The following SRPK1 variants were observed in gnomAD, a reference collection of about 807,000 sequenced individuals.
The protein encoded by SRPK1 is SFRS protein kinase 1.
A neutral mutation model predicts 89.5 loss-of-function variants in SRPK1; 52 were observed. The ratio of observed to expected loss-of-function variants is 0.58; its 90% confidence interval spans 0.46 to 0.73. The LOEUF is 0.73. Ranked by LOEUF, SRPK1 falls within the 30% of genes least tolerant of loss-of-function variation. SRPK1 has a pLI of 0.00. For missense variants in SRPK1, 603 were observed against 780.6 expected (o/e 0.77, Z 2.71); for synonymous variants, 255 against 270.2 (o/e 0.94, Z 0.55).
intron 2 of SRPK1, among the ~76,000 whole-genome samples, chr6:35,914,039 G>A (rs891220330): frequency 1.5e-5 from 2 of 136,932 alleles, no homozygotes; most frequent in Middle Eastern, 4.7e-3. Context: ...GCAATGGCAC[G>A]ATCTCGGCTC....
chr6:35,857,236 G>C, intron 13 of SRPK1, 25 bp downstream of exon 13: 1 of 1,567,014 alleles, frequency 6.4e-7, no homozygotes, highest in Non-Finnish European at 8.8e-7. Flanking sequence ...CTTAACAAGT[G>C]AAAGCCAAGG....
intron 2 of SRPK1, among the ~76,000 whole-genome samples, chr6:35,911,452 C>T (rs529095785): frequency 2.0e-4 from 30 of 152,162 alleles, no homozygotes; most frequent in Non-Finnish European, 3.7e-4. Flanking sequence ...TGGTGGCTCA[C>T]GCCTGTAATC....
At chr6:35,886,939 C>T in intron 5 of SRPK1, 128 bp from the exon 6 acceptor site, 2 of 593,770 alleles carry the variant, frequency 3.4e-6, no homozygotes, top group Non-Finnish European at 6.0e-6. Flanking sequence ...TTAAAATATA[C>T]TAAAATTTCA....
intron 13 of SRPK1, among the ~76,000 whole-genome samples, chr6:35,852,432 A>T (rs1769574696): frequency 6.6e-6 from 1 of 152,204 alleles, no homozygotes; most frequent in East Asian, 1.9e-4. Flanking sequence ...CTGGCAGCAA[A>T]AACAAGTAAA....
chr6:35,868,963 C>T, intron 12 of SRPK1, 47 bp downstream of exon 12: 1 of 1,474,968 alleles, frequency 6.8e-7, no homozygotes, highest in South Asian at 1.2e-5. Flanking sequence ...AATTCTCATT[C>T]ATCCTCCCAG....
At chr6:35,839,469 A>T (rs1769255849) in intron 14 of SRPK1, among the ~76,000 whole-genome samples, 1 of 152,250 alleles carries the variant, frequency 6.6e-6, no homozygotes, top group Non-Finnish European at 1.5e-5. Flanking sequence ...CACTTTTTAA[A>T]AGTAAAGATT....
intron 2 of SRPK1, among the ~76,000 whole-genome samples, chr6:35,910,634 A>G (rs1367816599): frequency 5.3e-5 from 8 of 152,256 alleles, no homozygotes; most frequent in African/African-American, 1.9e-4. Flanking sequence ...AGATGATGCC[A>G]TCTAGGACTT....
chr6:35,916,006 AC>A, intron 2 of SRPK1, among the ~76,000 whole-genome samples: 1 of 68,000 alleles, frequency 1.5e-5, no homozygotes, highest in Non-Finnish European at 3.1e-5. Flanking sequence ...ATACACACAC[AC>A]ACACACACAC....
chr6:35,920,262 G>C (rs534911589), intron 2 of SRPK1: 1 of 644,452 alleles, frequency 1.6e-6, no homozygotes, highest in South Asian at 1.6e-5. Flanking sequence ...CAGCAGGCCC[G>C]GGGCTGCTAA....
At chr6:35,883,795 C>T (rs1171309072) in intron 6 of SRPK1, among the ~76,000 whole-genome samples, 1 of 151,088 alleles carries the variant, frequency 6.6e-6, no homozygotes, top group Non-Finnish European at 1.5e-5. Context: ...GTGCAGTTGG[C>T]GCTATCTTGG....
At chr6:35,912,513 T>A (rs1434495401) in intron 2 of SRPK1, among the ~76,000 whole-genome samples, 1 of 152,246 alleles carries the variant, frequency 6.6e-6, no homozygotes, top group Admixed American at 6.5e-5. Context: ...GTTAACAGAC[T>A]ACAGTACAGT....
At chr6:35,874,198 C>T (rs754106289) in intron 7 of SRPK1, 35 bp downstream of exon 7, 2 of 1,479,748 alleles carry the variant, frequency 1.4e-6, no homozygotes, top group African/African-American at 1.4e-5. Flanking sequence ...ACTACATAGT[C>T]AAGACTAAGA....
At chr6:35,865,806 A>T (rs1326756) in intron 12 of SRPK1, among the ~76,000 whole-genome samples, 41,667 of 152,002 alleles carry the variant, frequency 0.27, 6,095 homozygotes, top group South Asian at 0.41. Context: ...CCAATTAAAG[A>T]CATGAATATA....
intron 2 of SRPK1, among the ~76,000 whole-genome samples, chr6:35,919,304 T>C (rs1040884527): frequency 6.6e-6 from 1 of 152,130 alleles, no homozygotes. Context: ...TTAGTTCTAT[T>C]GAAAGAGAGA....
Position 35,863,468 on chromosome 6 carries a change from A to T in SRPK1, c.1512+5542T>A, listed in dbSNP as rs1008220764. Among the ~76,000 whole-genome samples, 11 of 151,252 alleles carry T rather than the reference A, an allele frequency of 7.3e-5. No individual in the cohort carries two copies. The East Asian group carries it at 1.5e-3, about 21-fold the overall frequency. On this transcript the variant is annotated intron_variant, in intron 12 of 15. Transcript: ENST00000373825. Reference sequence around the variant, plus strand: ...ACCCTGTTTCTTAAAAAAAAAAAAAAAATTAATTAATTAATTAAATGAATG... The same window carrying T: ...ACCCTGTTTCTTAAAAAAAAAAAAATAATTAATTAATTAATTAAATGAATG...
In SRPK1 at chr6:35,838,187, C is replaced by CT. The variant is rs147119971; in HGVS notation, c.1783+149dup. ...CCGGCTCAGTCTCTGCTCTTGACCA[C>CT]TTTTTTTACCTCTTTTTTATCTCTT... is the stretch of plus-strand genomic sequence containing the variant. On this transcript the variant is annotated intron_variant, in intron 15 of 15. Transcript: ENST00000373825. The CT allele has an allele frequency of 8.2e-3, 5,007 of 611,584 alleles. 145 individuals carry two copies. The highest frequency in any genetic ancestry group is 0.07 in the African/African-American group (3,558 of 51,082). 37.9% of individuals were successfully genotyped at this position (611,584 alleles called of 1,614,324 possible).
At chr6:35,866,092 C>T (rs1769896193) in intron 12 of SRPK1, among the ~76,000 whole-genome samples, 1 of 151,528 alleles carries the variant, frequency 6.6e-6, no homozygotes, top group African/African-American at 2.4e-5. Flanking sequence ...AGACAAATGG[C>T]CAACAAATAA....
Position 35,920,545 on chromosome 6 carries a change from T to C in SRPK1, c.14-17A>G. The stretch of plus-strand genomic sequence containing the variant: ...GCGCAAGCACTGCAGGAGAGAGGGA[T>C]GGATGAAGGGCGAATGTGGAGGAAA... On this transcript the variant is annotated splice_polypyrimidine_tract_variant and intron_variant, in intron 1 of 15. Transcript: ENST00000373825. 6.2e-7 allele frequency: 1 copy of C among 1,611,786 alleles called. No homozygotes were observed. The highest frequency in any genetic ancestry group is 8.5e-7 in the Non-Finnish European group (1 of 1,178,660).
chr6:35,907,712 T>A (rs9462145), intron 2 of SRPK1, among the ~76,000 whole-genome samples: 118 of 71,404 alleles, frequency 1.7e-3, no homozygotes, highest in African/African-American at 3.2e-3. Flanking sequence ...TCTCAAAAAA[T>A]AAAAAATAAA....
Sources: allele counts gnomAD v4.1 joint callset (sites outside exome capture counted in the v4.1 genomes callset), GRCh38; gene constraint gnomAD v4.1.1; transcripts MANE v1.5; gene names NCBI Gene and HGNC (gene_info 2026-07-23, HGNC 2026-07-21).